Variants in SERGEF observed in about 807,000 individuals in gnomAD.
SERGEF encodes the protein secretion regulating guanine nucleotide exchange factor.
SERGEF carries 51 observed loss-of-function variants against 50.0 expected under a neutral mutation model. The ratio of observed to expected loss-of-function variants is 1.02; its 90% CI spans 0.81 to 1.29. The LOEUF is 1.29. SERGEF is among the 50% of genes most tolerant of loss of function. SERGEF has a pLI of 0.00. For missense variants in SERGEF, 521 were observed against 557.0 expected, an observed-to-expected ratio of 0.94 and a Z score of 0.65; for synonymous variants, 205 against 212.4, an observed-to-expected ratio of 0.97 and a Z score of 0.30.
At chr11:17,805,258 C>G (rs1849737354) in intron 10 of SERGEF, among the ~76,000 whole-genome samples, 1 of 152,246 alleles carries the variant, frequency 6.6e-6, no homozygotes, top group Non-Finnish European at 1.5e-5. Context: ...CTACCTCTCA[C>G]AGGGTCTCAG....
intron 10 of SERGEF, among the ~76,000 whole-genome samples, chr11:17,795,202 G>T (rs1194714952): frequency 6.6e-6 from 1 of 152,192 alleles, no homozygotes; most frequent in Non-Finnish European, 1.5e-5. Context: ...GATGGGGCGG[G>T]CCTTGGAGCA....
At chr11:17,895,063 G>A (rs1565197288) in intron 9 of SERGEF, among the ~76,000 whole-genome samples, 1 of 152,142 alleles carries the variant, frequency 6.6e-6, no homozygotes, top group Non-Finnish European at 1.5e-5. Flanking sequence ...AGCCATTTGT[G>A]CACAGAGCCC....
At chr11:17,949,829 A>G (rs572350873) in intron 9 of SERGEF, among the ~76,000 whole-genome samples, 21 of 152,346 alleles carry the variant, frequency 1.4e-4, no homozygotes, top group Non-Finnish European at 2.4e-4. Flanking sequence ...CTCAACAGAG[A>G]AAGTAAGAAG....
intron 9 of SERGEF, among the ~76,000 whole-genome samples, chr11:17,905,886 C>A (rs1851831424): frequency 6.6e-6 from 1 of 152,170 alleles, no homozygotes; most frequent in South Asian, 2.1e-4. Flanking sequence ...GGGTCTCAGT[C>A]AGCCTCGAAA....
intron 9 of SERGEF, among the ~76,000 whole-genome samples, chr11:17,891,874 C>T (rs1352357985): frequency 6.6e-6 from 1 of 152,170 alleles, no homozygotes; most frequent in Non-Finnish European, 1.5e-5. Flanking sequence ...CTGTATCTGT[C>T]CTACTATTGG....
intron 10 of SERGEF, among the ~76,000 whole-genome samples, chr11:17,847,882 C>T (rs1268393201): frequency 6.6e-6 from 1 of 152,112 alleles, no homozygotes; most frequent in Non-Finnish European, 1.5e-5. Flanking sequence ...TTAATAAGCT[C>T]TCCAGGTGAT....
intron 9 of SERGEF, chr11:17,918,872 A>G: frequency 2.9e-6 from 1 of 343,780 alleles, no homozygotes; most frequent in Non-Finnish European, 5.7e-6. Context: ...AGAGAAGTCA[A>G]GTTACAGAAC....
chr11:17,951,255 C>T (rs1188492065), intron 9 of SERGEF, among the ~76,000 whole-genome samples: 1 of 152,190 alleles, frequency 6.6e-6, no homozygotes, highest in African/African-American at 2.4e-5. Flanking sequence ...ACATGTACAG[C>T]ACATTACAGT....
At chr11:17,928,903 G>A (rs193260263) in intron 9 of SERGEF, among the ~76,000 whole-genome samples, 32 of 152,188 alleles carry the variant, frequency 2.1e-4, no homozygotes, top group Non-Finnish European at 3.5e-4. Flanking sequence ...AGAATTTCCA[G>A]GCAAGAAATT....
chr11:17,942,938 A>C (rs1178451027), intron 9 of SERGEF, among the ~76,000 whole-genome samples: 2 of 152,130 alleles, frequency 1.3e-5, no homozygotes, highest in African/African-American at 4.8e-5. Flanking sequence ...TTCATTCCTG[A>C]GATAACATAG....
At chr11:17,980,094 A>G (rs1709312797) in intron 8 of SERGEF, among the ~76,000 whole-genome samples, 1 of 152,230 alleles carries the variant, frequency 6.6e-6, no homozygotes, top group Non-Finnish European at 1.5e-5. Flanking sequence ...GAGAAAAGAA[A>G]GAGGCCAGGC....
chr11:17,912,374 A>G lies in SERGEF; in HGVS notation c.1012-34130T>C, dbSNP rs552845939. Reference sequence around the variant, plus strand: ...AAAAAACACAGGGAATCTGAATACCATTTGTGGCCTAGTTAACAAGAGGTA... The same window carrying G: ...AAAAAACACAGGGAATCTGAATACCGTTTGTGGCCTAGTTAACAAGAGGTA... On this transcript the variant is annotated intron_variant, in intron 9 of 10. Coordinates refer to ENST00000265965, the MANE Select transcript of SERGEF (RefSeq NM_012139.4). Among the ~76,000 whole-genome samples the G allele has an allele frequency of 1.4e-4, 21 of 152,358 alleles. No homozygotes were observed. In the South Asian group the frequency reaches 3.9e-3, roughly 29 times the overall value.
chr11:17,886,360 G>A (rs1001211397), intron 9 of SERGEF, among the ~76,000 whole-genome samples: 92 of 152,104 alleles, frequency 6.0e-4, no homozygotes, highest in African/African-American at 2.1e-3. Flanking sequence ...CTGTAATCCC[G>A]GCACTTTAGG....
chr11:17,880,546 C>T (rs1359616339), intron 9 of SERGEF, among the ~76,000 whole-genome samples: 1 of 151,884 alleles, frequency 6.6e-6, no homozygotes, highest in Non-Finnish European at 1.5e-5. Context: ...TATAATAAAG[C>T]ATGAATAAGA....
chr11:17,970,052 A>C (rs1464194560), intron 8 of SERGEF, among the ~76,000 whole-genome samples: 1 of 152,212 alleles, frequency 6.6e-6, no homozygotes, highest in Non-Finnish European at 1.5e-5. Flanking sequence ...CTTCTAGTAC[A>C]TCTTGTCCAC....
At chr11:17,849,094 A>G (rs1850667776) in intron 10 of SERGEF, among the ~76,000 whole-genome samples, 2 of 152,204 alleles carry the variant, frequency 1.3e-5, no homozygotes, top group Admixed American at 6.5e-5. Flanking sequence ...GGCAATGTAC[A>G]TGCATAGGAG....
chr11:17,890,148 A>G (rs1300767937), intron 9 of SERGEF, among the ~76,000 whole-genome samples: 2 of 152,036 alleles, frequency 1.3e-5, no homozygotes, highest in Non-Finnish European at 2.9e-5. Context: ...GGTCCCAGTG[A>G]AGGTTCAGAG....
At chr11:17,960,852 G>A (rs188317195) in intron 8 of SERGEF, among the ~76,000 whole-genome samples, 5 of 152,296 alleles carry the variant, frequency 3.3e-5, no homozygotes, top group East Asian at 1.9e-4. Context: ...CAAAGTCTGC[G>A]TAGCTCACAG....
At chr11:17,901,464 C>T (rs1851748322) in intron 9 of SERGEF, among the ~76,000 whole-genome samples, 1 of 152,230 alleles carries the variant, frequency 6.6e-6, no homozygotes, top group African/African-American at 2.4e-5. Context: ...GAACAGGTTA[C>T]AGCTCACTTT....
Sources: allele counts gnomAD v4.1 joint callset (sites outside exome capture counted in the v4.1 genomes callset), GRCh38; gene constraint gnomAD v4.1.1; transcripts MANE v1.5; gene names NCBI Gene and HGNC (gene_info 2026-07-23, HGNC 2026-07-21).